The following BAZ1A variants were observed in gnomAD, a reference collection of about 807,000 sequenced individuals.
BAZ1A encodes bromodomain adjacent to zinc finger domain 1A, also known as bromodomain adjacent to zinc finger domain protein 1A.
BAZ1A carries 50 observed loss-of-function variants against 185.2 expected under a neutral mutation model. That is an observed-to-expected ratio of 0.27 (90% confidence interval 0.22 to 0.34). The LOEUF (loss-of-function observed/expected upper bound fraction) is 0.34. Among genes scored for constraint, BAZ1A ranks in the 10% least tolerant of loss-of-function variants. The pLI, the probability that BAZ1A is intolerant of heterozygous loss-of-function variation, is 1.00. For synonymous variants in BAZ1A, 571 were observed against 615.6 expected (o/e 0.93, Z 1.07); for missense variants, 1,356 against 1,839.9 (o/e 0.74, Z 4.81).
chr14:34,805,034 C>T (rs147157911), intron 6 of BAZ1A, among the ~76,000 whole-genome samples: 13 of 152,216 alleles, frequency 8.5e-5, no homozygotes, highest in Middle Eastern at 3.4e-3. Flanking sequence ...GCAGGCTTCC[C>T]CCTTGCTGTT....
At chr14:34,843,629 G>T (rs965580503) in intron 3 of BAZ1A, among the ~76,000 whole-genome samples, 1 of 152,166 alleles carries the variant, frequency 6.6e-6, no homozygotes, top group Non-Finnish European at 1.5e-5. Context: ...ACTTTTAGGG[G>T]TGGTTTGTTA....
At chr14:34,819,976 T>C (rs144583242) in intron 4 of BAZ1A, among the ~76,000 whole-genome samples, 166 of 140,676 alleles carry the variant, frequency 1.2e-3, no homozygotes, top group African/African-American at 4.0e-3. Context: ...AATAAGTACA[T>C]AGTCATATCT....
chr14:34,783,492 C>T (rs986751235), intron 15 of BAZ1A, among the ~76,000 whole-genome samples: 12 of 151,642 alleles, frequency 7.9e-5, no homozygotes, highest in African/African-American at 2.4e-4. Context: ...TGCACCACCA[C>T]GCCCGGTTAC....
chr14:34,796,794 CTAGA>C (rs1284393687), intron 9 of BAZ1A, among the ~76,000 whole-genome samples: 5 of 152,166 alleles, frequency 3.3e-5, no homozygotes, highest in East Asian at 1.9e-4. Context: ...CATAAAACGC[CTAGA>C]TAGTTACGGA....
intron 3 of BAZ1A, among the ~76,000 whole-genome samples, chr14:34,827,586 T>G (rs1394595954): frequency 6.6e-6 from 1 of 151,870 alleles, no homozygotes; most frequent in African/African-American, 2.4e-5. Context: ...ATACAAAAAA[T>G]TAGCCAGGCG....
chr14:34,754,145 G>A (rs988278208), intron 26 of BAZ1A, among the ~76,000 whole-genome samples: 19 of 151,484 alleles, frequency 1.3e-4, no homozygotes, highest in Non-Finnish European at 2.4e-4. Flanking sequence ...CCAGCTACTC[G>A]GGAGGCTGAG....
intron 5 of BAZ1A, among the ~76,000 whole-genome samples, chr14:34,807,756 A>AT (rs1255535807): frequency 3.9e-5 from 6 of 152,206 alleles, no homozygotes; most frequent in African/African-American, 1.4e-4. Context: ...ATCTATTATA[A>AT]AAAGTCTATT....
chr14:34,760,397 C>T (rs998306307), intron 24 of BAZ1A, among the ~76,000 whole-genome samples: 5 of 151,856 alleles, frequency 3.3e-5, no homozygotes, highest in South Asian at 2.1e-4. Flanking sequence ...AAACAGATTA[C>T]GTGCCATTCT....
Position 34,754,899 on chromosome 14 carries a change from C to A in BAZ1A, c.4402G>T (p.Asp1468Tyr), listed in dbSNP as rs1406380656. ...VSKIQVPDYY[D>Y]IIKKPIALNI... ...AAGGCAATGGGCTTTTTGATGATGTCATAGTAGTCTGGGACCTGTAAAATA... is the reference window on the plus strand; with the variant it reads ...AAGGCAATGGGCTTTTTGATGATGTAATAGTAGTCTGGGACCTGTAAAATA... Residue 1468 changes from aspartate to tyrosine, a missense_variant, in exon 26 of 27, where the codon GAC becomes TAC. Physicochemically the swap from Asp to Tyr is radical, Grantham distance 160. This residue lies in a region of BAZ1A where 61 missense variants were observed against 117.9 expected (regional missense o/e 0.52). Transcript: ENST00000360310. 6.2e-7 allele frequency: 1 copy of A among 1,602,260 alleles called. No homozygotes were observed. Among genetic ancestry groups the A allele is most frequent in the Non-Finnish European group, 8.5e-7 (1 of 1,174,660 alleles).
chr14:34,758,238 G>A (rs1886354179), intron 25 of BAZ1A, among the ~76,000 whole-genome samples: 1 of 151,608 alleles, frequency 6.6e-6, no homozygotes, highest in Non-Finnish European at 1.5e-5. Flanking sequence ...ACCAAAATAT[G>A]CCACTGCACT....
intron 3 of BAZ1A, among the ~76,000 whole-genome samples, chr14:34,850,994 A>G (rs17102795): frequency 0.22 from 33,110 of 152,020 alleles, 4,005 homozygotes; most frequent in Non-Finnish European, 0.26. Context: ...TTCAAAGACT[A>G]CATCAACATG....
chr14:34,783,774 T>G lies in BAZ1A; in HGVS notation c.1985A>C (p.Glu662Ala), dbSNP rs779314710. The G allele has an allele frequency of 1.9e-5, 30 of 1,606,856 alleles. No individual in the cohort carries two copies. Among genetic ancestry groups the G allele is most frequent in the South Asian group, 6.7e-5 (6 of 89,132 alleles). The change falls in exon 15 of 27, where the codon GAA becomes GCA. Residue 662 changes from glutamate to alanine, a missense_variant. By Grantham distance (107) the Glu-to-Ala change is moderately radical (BLOSUM62 -1). Coordinates refer to ENST00000360310, the MANE Select transcript of BAZ1A (RefSeq NM_013448.3). ...AATTATCTCTTACCTGGCAGCTGCT[T>G]CTTCCCTCTCTTTTCGATGTTGTTC... ...KAEQHRKERE[E>A]AAARIRKRKE...
chr14:34,803,151 C>T (rs1429453347), intron 6 of BAZ1A, among the ~76,000 whole-genome samples, 163 bp from the exon 7 acceptor site: 1 of 152,002 alleles, frequency 6.6e-6, no homozygotes, highest in East Asian at 1.9e-4. Flanking sequence ...GAGGCCGAGG[C>T]GGGCGGATCA....
At chr14:34,863,153 T>A (rs28636423) in intron 2 of BAZ1A, among the ~76,000 whole-genome samples, 3,583 of 15,566 alleles carry the variant, frequency 0.23, 100 homozygotes, top group South Asian at 0.37. Context: ...CACGCTCGGC[T>A]TTTTTTTTTT....
At chr14:34,826,243 G>A (rs983165342) in intron 3 of BAZ1A, 87 bp from the exon 4 acceptor site, 3 of 1,412,370 alleles carry the variant, frequency 2.1e-6, no homozygotes, top group African/African-American at 1.5e-5. Context: ...TTTTGAACTA[G>A]TTATTTTGTT....
intron 3 of BAZ1A, among the ~76,000 whole-genome samples, chr14:34,834,252 G>C (rs767790898): frequency 9.8e-5 from 15 of 152,304 alleles, no homozygotes; most frequent in Admixed American, 3.9e-4. Context: ...CCTATGACAA[G>C]GTTGCTCAAG....
At chr14:34,754,938 T>G in intron 25 of BAZ1A, 24 bp from the exon 26 acceptor site, 4 of 1,532,778 alleles carry the variant, frequency 2.6e-6, no homozygotes, top group Non-Finnish European at 3.5e-6. Context: ...CAAATATCTC[T>G]GTCCACACAG....
Position 34,874,835 on chromosome 14 carries a change from C to G in BAZ1A, c.-58-173G>C. Reference sequence around the variant, plus strand: ...CTGCCCGGGTGTCGAGCGAGCGGAGCCGCCGCCGCCCCTGCCCCCCGAGCG... The same window carrying G: ...CTGCCCGGGTGTCGAGCGAGCGGAGGCGCCGCCGCCCCTGCCCCCCGAGCG... On this transcript the variant is annotated intron_variant, in intron 1 of 26. Coordinates refer to ENST00000360310, the MANE Select transcript of BAZ1A (RefSeq NM_013448.3). This position sits in a 1 kb window ranked among gnomAD's most constrained non-coding sequence, Gnocchi z 4.7. The G allele has an allele frequency of 2.4e-6, 1 of 420,968 alleles. No individual in the cohort carries two copies. The highest frequency in any genetic ancestry group is 4.2e-6 in the Non-Finnish European group (1 of 237,036). The allele number at this position is 420,968 out of a possible 1,614,324, so 26.1% of individuals were successfully genotyped here.
chr14:34,787,363 A>AAAAAAAAAAGAAAAG lies in BAZ1A; in HGVS notation c.1511-1143_1511-1142insCTTTTCTTTTTTTTT, dbSNP rs775338809. Among the ~76,000 whole-genome samples, 55 of 112,780 alleles carry AAAAAAAAAAGAAAAG rather than the reference A, an allele frequency of 4.9e-4. 1 individual carries two copies. Among genetic ancestry groups the AAAAAAAAAAGAAAAG allele is most frequent in the Non-Finnish European group, 5.8e-4 (33 of 56,790 alleles). The allele number at this position is 112,780 out of a possible 152,430, so 74.0% of individuals were successfully genotyped here. The stretch of plus-strand genomic sequence containing the variant: ...CAAGACTCTGTCTCAAAAAAAAAAA[A>AAAAAAAAAAGAAAAG]AAAAAGAAAAGAAAACTTCCCAATC... On this transcript the variant is annotated intron_variant, in intron 12 of 26. Transcript: ENST00000360310.
Sources: allele counts gnomAD v4.1 joint callset (sites outside exome capture counted in the v4.1 genomes callset), GRCh38; gene constraint gnomAD v4.1.1; regional missense constraint gnomAD v4.1.1; non-coding constraint Gnocchi (gnomAD v3.1); transcripts MANE v1.5; gene names NCBI Gene and HGNC (gene_info 2026-07-23, HGNC 2026-07-21).